ZDHHC15: variants seen among roughly 807,000 people sequenced by gnomAD.
ZDHHC15 encodes the protein palmitoyltransferase ZDHHC15.
ZDHHC15 carries 19 observed loss-of-function variants against 31.7 expected under a neutral mutation model. That is an observed-to-expected ratio of 0.60 (90% CI 0.42 to 0.88). The LOEUF (loss-of-function observed/expected upper bound fraction) is 0.88. ZDHHC15 is among the 40% of genes least tolerant of loss of function. The pLI is 0.00. For synonymous variants in ZDHHC15, 103 were observed against 90.0 expected (o/e 1.14, Z -0.82); for missense variants, 209 against 251.2 (o/e 0.83, Z 1.14).
intron 3 of ZDHHC15, among the ~76,000 whole-genome samples, chrX:75,474,035 T>C (rs1396523931): frequency 1.8e-5 from 2 of 111,115 alleles, no homozygotes; most frequent in Non-Finnish European, 3.8e-5. Flanking sequence ...GGTTTCAACT[T>C]GACAAGGGTG....
At chrX:75,384,439 C>T (rs907926899) in intron 10 of ZDHHC15, 15 of 915,396 alleles carry the variant, frequency 1.6e-5, no homozygotes, top group Middle Eastern at 2.7e-4. Context: ...CACGTATATG[C>T]AAATCTATAA....
chrX:75,400,149 T>A (rs2083341150), intron 10 of ZDHHC15, among the ~76,000 whole-genome samples: 1 of 111,285 alleles, frequency 9.0e-6, no homozygotes, highest in African/African-American at 3.3e-5. Context: ...ATGACAGACG[T>A]AGAATTCGGA....
intron 3 of ZDHHC15, among the ~76,000 whole-genome samples, chrX:75,459,825 C>T (rs911623742): frequency 2.7e-5 from 3 of 112,680 alleles, no homozygotes; most frequent in Non-Finnish European, 5.6e-5. Context: ...ATATATACAA[C>T]ACAATGAAGG....
Position 75,485,160 on chromosome X carries a change from C to T in ZDHHC15, c.164-6175G>A, listed in dbSNP as rs1346596274. 2.7e-5 allele frequency among the ~76,000 whole-genome samples: 3 copies of T among 110,939 alleles called. No homozygotes were observed. The Admixed American group carries it at 2.9e-4, about 11-fold the overall frequency. ...TTTTTACATTCCTGTTTACTACTGT[C>T]AAAACTTATCAACCTGTATACTCAA... On this transcript the variant is annotated intron_variant, in intron 2 of 11. Transcript: ENST00000373367.
At chrX:75,493,980 A>G (rs982304551) in intron 2 of ZDHHC15, among the ~76,000 whole-genome samples, 1 of 111,666 alleles carries the variant, frequency 9.0e-6, no homozygotes, top group Non-Finnish European at 1.9e-5. Flanking sequence ...TTAGGAAAAT[A>G]AGAAGTCAAA....
At chrX:75,406,701 T>A (rs2083415131) in intron 10 of ZDHHC15, among the ~76,000 whole-genome samples, 2 of 92,738 alleles carry the variant, frequency 2.2e-5, no homozygotes, top group Admixed American at 1.2e-4. Context: ...TAAAAAAAAG[T>A]CTTCCATCAA....
intron 1 of ZDHHC15, among the ~76,000 whole-genome samples, chrX:75,509,434 C>T (rs191220122): frequency 3.8e-4 from 43 of 112,171 alleles, no homozygotes; most frequent in Admixed American, 5.7e-4. Context: ...TTAATAGCCA[C>T]ATGTGGCTAG....
intron 2 of ZDHHC15, among the ~76,000 whole-genome samples, chrX:75,487,264 CCA>C (rs2084792621): frequency 1.8e-5 from 2 of 112,312 alleles, no homozygotes; most frequent in South Asian, 7.4e-4. Context: ...GCAAGGACTT[CCA>C]CAGAGTCCAC....
chrX:75,376,308 T>G (rs1428252098), intron 11 of ZDHHC15, among the ~76,000 whole-genome samples: 1 of 104,304 alleles, frequency 9.6e-6, no homozygotes, highest in Non-Finnish European at 2.0e-5. Flanking sequence ...GATATTAAAC[T>G]TTTGTCAGAT....
intron 1 of ZDHHC15, among the ~76,000 whole-genome samples, chrX:75,514,117 A>G (rs1339394292): frequency 1.8e-5 from 2 of 113,157 alleles, no homozygotes; most frequent in Non-Finnish European, 1.9e-5. Context: ...AAGAAATGCC[A>G]AAGGGCATTC....
chrX:75,482,761 T>C (rs2084710922), intron 2 of ZDHHC15, among the ~76,000 whole-genome samples: 1 of 110,953 alleles, frequency 9.0e-6, no homozygotes, highest in African/African-American at 3.3e-5. Flanking sequence ...CTTATGTTTA[T>C]AAGCTTTATT....
chrX:75,385,685 C>T (rs938718658), intron 10 of ZDHHC15, among the ~76,000 whole-genome samples: 3 of 110,897 alleles, frequency 2.7e-5, no homozygotes, highest in Non-Finnish European at 3.8e-5. Context: ...TGGGGTGTTG[C>T]GCATTACAAC....
At chrX:75,411,369 C>T (rs752039048) in intron 10 of ZDHHC15, among the ~76,000 whole-genome samples, 22 of 111,144 alleles carry the variant, frequency 2.0e-4, no homozygotes, top group Non-Finnish European at 3.0e-4. Flanking sequence ...CCCACCGCCA[C>T]GCCCGGCTAA....
chrX:75,436,523 T>A (rs2083854146), intron 4 of ZDHHC15, among the ~76,000 whole-genome samples: 1 of 111,904 alleles, frequency 8.9e-6, no homozygotes, highest in Non-Finnish European at 1.9e-5. Context: ...GAGGTTTTGA[T>A]AGGTTGTGTT....
At chrX:75,374,151 T>C in intron 11 of ZDHHC15, among the ~76,000 whole-genome samples, 1 of 109,202 alleles carries the variant, frequency 9.2e-6, no homozygotes, top group South Asian at 4.0e-4. Context: ...AAACACCACA[T>C]GTTCTCACTC....
chrX:75,427,991 T>C (rs1441903352), intron 7 of ZDHHC15, among the ~76,000 whole-genome samples: 2 of 111,908 alleles, frequency 1.8e-5, no homozygotes, highest in African/African-American at 6.5e-5. Flanking sequence ...TTTAGGTTCC[T>C]ATTGCCTTAC....
intron 5 of ZDHHC15, 88 bp from the exon 6 acceptor site, chrX:75,430,068 T>G: frequency 1.0e-6 from 1 of 986,503 alleles, no homozygotes; most frequent in Non-Finnish European, 1.4e-6. Context: ...TCACCAGTAT[T>G]TTTACATGGT....
chrX:75,510,511 T>A (rs1318190411), intron 1 of ZDHHC15, among the ~76,000 whole-genome samples: 2 of 95,187 alleles, frequency 2.1e-5, no homozygotes, highest in African/African-American at 7.2e-5. Flanking sequence ...CAGTTTATAT[T>A]TCTTCTCTCT....
At chrX:75,485,870 G>GA (rs2084769693) in intron 2 of ZDHHC15, among the ~76,000 whole-genome samples, 1 of 111,612 alleles carries the variant, frequency 9.0e-6, no homozygotes, top group Admixed American at 9.5e-5. Context: ...TCATAATCAA[G>GA]AAAAAAATAA....
Sources: gnomAD v4.1 joint callset for allele counts (sites outside exome capture counted in the v4.1 genomes callset) on GRCh38, gnomAD v4.1.1 for gene constraint, MANE v1.5 for transcripts, NCBI Gene and HGNC (gene_info 2026-07-23, HGNC 2026-07-21) for gene names.